Variants in WDR17 observed in about 807,000 individuals in gnomAD.
The protein encoded by WDR17 is WD repeat domain 17.
Under a neutral mutation model 161.7 loss-of-function variants are expected in WDR17, and 143 were observed. That is an observed-to-expected ratio of 0.88 (90% CI 0.77 to 1.02). The LOEUF is 1.02. Ranked by LOEUF, WDR17 falls within the 50% of genes least tolerant of loss-of-function variation. WDR17 has a pLI of 0.00. For missense variants in WDR17, 1,469 were observed against 1,520.9 expected (o/e 0.97, Z 0.57); for synonymous variants, 517 against 515.6 (o/e 1.00, Z -0.04).
intron 22 of WDR17, among the ~76,000 whole-genome samples, chr4:176,164,524 G>A (rs1749483798): frequency 1.3e-5 from 2 of 151,988 alleles, no homozygotes; most frequent in African/African-American, 4.8e-5. Context: ...TTTAGACTTG[G>A]GTCCCATCCC....
intron 12 of WDR17, among the ~76,000 whole-genome samples, 186 bp from the exon 13 acceptor site, chr4:176,147,947 C>G (rs148780951): frequency 2.0e-3 from 305 of 152,002 alleles, no homozygotes; most frequent in African/African-American, 7.0e-3. Context: ...AAGCATACAT[C>G]AAAATATCAC....
At chr4:176,165,374 A>G (rs542423361) in intron 22 of WDR17, among the ~76,000 whole-genome samples, 188 of 150,422 alleles carry the variant, frequency 1.2e-3, no homozygotes, top group Non-Finnish European at 2.0e-3. Flanking sequence ...CGTCTCAAGG[A>G]AAAAAAAAAT....
chr4:176,086,269 A>G (rs1735402757), intron 1 of WDR17, among the ~76,000 whole-genome samples: 1 of 151,960 alleles, frequency 6.6e-6, no homozygotes, highest in South Asian at 2.1e-4. Flanking sequence ...GAATTCTATC[A>G]TTATTGGGTA....
At chr4:176,077,482 C>G (rs907959816) in intron 1 of WDR17, among the ~76,000 whole-genome samples, 16 of 152,012 alleles carry the variant, frequency 1.1e-4, no homozygotes, top group Admixed American at 3.3e-4. Flanking sequence ...CACGTAGTAC[C>G]TATGACACCG....
chr4:176,140,245 T>C (rs1745040894), intron 10 of WDR17, among the ~76,000 whole-genome samples: 1 of 152,108 alleles, frequency 6.6e-6, no homozygotes, highest in Admixed American at 6.5e-5. Context: ...GACTCATTTC[T>C]TTGCCTCAAA....
chr4:176,113,927 A>T (rs1041128401), intron 2 of WDR17, among the ~76,000 whole-genome samples: 1 of 152,086 alleles, frequency 6.6e-6, no homozygotes, highest in East Asian at 1.9e-4. Context: ...GTAATTGTAC[A>T]GTTCAATATT....
chr4:176,141,449 G>T (rs754917688), intron 10 of WDR17, among the ~76,000 whole-genome samples: 63 of 152,186 alleles, frequency 4.1e-4, no homozygotes, highest in Non-Finnish European at 7.6e-4. Flanking sequence ...AAGAAAAAGC[G>T]TTTTTGTTGT....
Position 176,177,159 on chromosome 4 carries a change from G to T in WDR17, c.3548+3G>T. The T allele has an allele frequency of 6.2e-7, 1 of 1,609,266 alleles. No individual in the cohort carries two copies. The highest frequency in any genetic ancestry group is 1.1e-5 in the South Asian group (1 of 90,826). ...GCTTGCACACAGTCCACCAACAGGTGAGCAAATATGATATAAAAATTGGAA... is the reference window on the plus strand; with the variant it reads ...GCTTGCACACAGTCCACCAACAGGTTAGCAAATATGATATAAAAATTGGAA... On this transcript the variant is annotated splice_donor_region_variant and intron_variant, in intron 27 of 28. Transcript: ENST00000508596.
intron 1 of WDR17, among the ~76,000 whole-genome samples, chr4:176,074,080 T>A (rs904402777): frequency 4.6e-5 from 7 of 151,926 alleles, no homozygotes; most frequent in South Asian, 2.1e-4. Context: ...TAGTTTCTTT[T>A]GCTGTGCAGA....
At chr4:176,085,871 G>A (rs928951534) in intron 1 of WDR17, among the ~76,000 whole-genome samples, 1 of 151,820 alleles carries the variant, frequency 6.6e-6, no homozygotes, top group Non-Finnish European at 1.5e-5. Context: ...TTTAAAGATA[G>A]AAACTTAAAT....
chr4:176,166,729 A>C (rs1279116101), intron 22 of WDR17, among the ~76,000 whole-genome samples: 1 of 152,176 alleles, frequency 6.6e-6, no homozygotes, highest in Non-Finnish European at 1.5e-5. Context: ...ATTTAAAACT[A>C]TGAAATTTTG....
intron 22 of WDR17, among the ~76,000 whole-genome samples, chr4:176,167,218 T>G (rs1295320644): frequency 1.3e-5 from 2 of 152,218 alleles, no homozygotes; most frequent in Non-Finnish European, 2.9e-5. Context: ...TAGATTTTAC[T>G]GACGTTTTCA....
intron 3 of WDR17, among the ~76,000 whole-genome samples, chr4:176,117,703 G>A (rs1441024522): frequency 6.6e-6 from 1 of 152,000 alleles, no homozygotes; most frequent in Non-Finnish European, 1.5e-5. Context: ...CCAGAATGAT[G>A]AGATAATTGT....
intron 1 of WDR17, among the ~76,000 whole-genome samples, chr4:176,110,830 C>G (rs183730516): frequency 3.9e-5 from 6 of 152,284 alleles, no homozygotes; most frequent in Admixed American, 3.9e-4. Flanking sequence ...AAAGCTTGGT[C>G]TAATTCCTTA....
chr4:176,170,372 A>G (rs11133132), intron 23 of WDR17, among the ~76,000 whole-genome samples: 60,189 of 148,272 alleles, frequency 0.41, 12,652 homozygotes, highest in East Asian at 0.6. Flanking sequence ...CTGGAGTGCA[A>G]TGGCACGAGC....
chr4:176,132,451 A>T (rs1345060082), intron 7 of WDR17, among the ~76,000 whole-genome samples: 1 of 152,062 alleles, frequency 6.6e-6, no homozygotes, highest in Non-Finnish European at 1.5e-5. Flanking sequence ...TTTGAATTAG[A>T]CTAATCTGGA....
At chr4:176,177,010 T>C (rs751092853) in intron 26 of WDR17, 48 bp from the exon 27 acceptor site, 2 of 1,337,114 alleles carry the variant, frequency 1.5e-6, no homozygotes, top group Non-Finnish European at 2.1e-6. Context: ...CTTTTTCTGA[T>C]ATCTTAGTTT....
chr4:176,101,460 A>C (rs908805230), intron 1 of WDR17, among the ~76,000 whole-genome samples: 1 of 152,214 alleles, frequency 6.6e-6, no homozygotes, highest in African/African-American at 2.4e-5. Context: ...CAGATAAAGC[A>C]TCAGAACCAG....
At chr4:176,159,712 G>T (rs753820273) in intron 18 of WDR17, among the ~76,000 whole-genome samples, 137 of 152,076 alleles carry the variant, frequency 9.0e-4, no homozygotes, top group Non-Finnish European at 4.3e-4. Flanking sequence ...TAAATTAATT[G>T]CCCATTTTAA....
Sources: allele counts gnomAD v4.1 joint callset (sites outside exome capture counted in the v4.1 genomes callset), GRCh38; gene constraint gnomAD v4.1.1; transcripts MANE v1.5; gene names NCBI Gene and HGNC (gene_info 2026-07-23, HGNC 2026-07-21).